EZH2: variants seen among roughly 807,000 people sequenced by gnomAD.
The protein encoded by EZH2 is enhancer of zeste 2 polycomb repressive complex 2 subunit.
Under a neutral mutation model 98.4 loss-of-function variants are expected in EZH2, and 18 were observed. The ratio of observed to expected loss-of-function variants is 0.18; its 90% confidence interval spans 0.13 to 0.27. The LOEUF is 0.27. EZH2 is among the 10% of genes least tolerant of loss of function. EZH2 has a pLI of 1.00. For synonymous variants in EZH2, 338 were observed against 312.3 expected (o/e 1.08, Z -0.87); for missense variants, 470 against 935.1 (o/e 0.50, Z 6.49).
chr7:148,855,007 T>C (rs554850680), intron 1 of EZH2, among the ~76,000 whole-genome samples: 4 of 152,322 alleles, frequency 2.6e-5, no homozygotes, highest in East Asian at 3.9e-4. Flanking sequence ...AGGGGGAATA[T>C]AGAAAACCTG....
chr7:148,877,855 A>T (rs187100410), intron 1 of EZH2, among the ~76,000 whole-genome samples: 2 of 152,248 alleles, frequency 1.3e-5, no homozygotes, highest in Non-Finnish European at 2.9e-5. Context: ...CGGAGCTGAC[A>T]TATCTTTAAT....
intron 1 of EZH2, among the ~76,000 whole-genome samples, chr7:148,849,853 G>A (rs533235986): frequency 6.6e-5 from 10 of 152,246 alleles, no homozygotes; most frequent in African/African-American, 2.4e-4. Context: ...GAAAGAAAAG[G>A]AATCAGATAA....
chr7:148,830,748 CAA>C (rs1809147545), intron 4 of EZH2, among the ~76,000 whole-genome samples: 1 of 151,972 alleles, frequency 6.6e-6, no homozygotes, highest in African/African-American at 2.4e-5. Context: ...GCCAATCAAA[CAA>C]AAGTTAAGAC....
At chr7:148,873,141 C>T (rs1429719824) in intron 1 of EZH2, among the ~76,000 whole-genome samples, 4 of 151,942 alleles carry the variant, frequency 2.6e-5, no homozygotes, top group Non-Finnish European at 5.9e-5. Flanking sequence ...TATGATCACG[C>T]CACTATACTC....
At chr7:148,850,941 G>C (rs903146256) in intron 1 of EZH2, among the ~76,000 whole-genome samples, 2 of 152,062 alleles carry the variant, frequency 1.3e-5, no homozygotes, top group Non-Finnish European at 2.9e-5. Context: ...CAAAAGTTAC[G>C]TAGCTAGAGT....
chr7:148,822,291 C>T (rs1806362193), intron 8 of EZH2, among the ~76,000 whole-genome samples: 1 of 144,990 alleles, frequency 6.9e-6, no homozygotes, highest in East Asian at 1.9e-4. Flanking sequence ...GGGCAGATCA[C>T]TTGAGGTCAG....
intron 8 of EZH2, among the ~76,000 whole-genome samples, chr7:148,823,598 C>T (rs1381893976): frequency 2.0e-5 from 3 of 150,256 alleles, no homozygotes; most frequent in East Asian, 3.9e-4. Context: ...GGTAAAATTT[C>T]GAAGGATGGG....
chr7:148,813,246 A>G (rs1235285427), intron 15 of EZH2, among the ~76,000 whole-genome samples: 2 of 152,082 alleles, frequency 1.3e-5, no homozygotes, highest in Non-Finnish European at 2.9e-5. Context: ...AAGCACTCAC[A>G]ACAGTGCCTA....
chr7:148,879,489 G>A (rs1419480352), intron 1 of EZH2, among the ~76,000 whole-genome samples: 4 of 151,180 alleles, frequency 2.6e-5, no homozygotes, highest in Admixed American at 6.6e-5. Context: ...TCGGGAGTTC[G>A]AGACCAGCCT....
At chr7:148,842,188 AATC>A (rs1228063679) in intron 3 of EZH2, among the ~76,000 whole-genome samples, 1 of 152,200 alleles carries the variant, frequency 6.6e-6, no homozygotes, top group Non-Finnish European at 1.5e-5. Flanking sequence ...TTACTAAACT[AATC>A]ATACCATTTG....
chr7:148,856,843 A>C (rs1816904281), intron 1 of EZH2, among the ~76,000 whole-genome samples: 1 of 152,246 alleles, frequency 6.6e-6, no homozygotes, highest in African/African-American at 2.4e-5. Flanking sequence ...AGGAGAAGGA[A>C]CAACTCTCCT....
In EZH2 at chr7:148,877,332, A is replaced by G. The variant is rs188711130; in HGVS notation, c.-8+6832T>C. Among the ~76,000 whole-genome samples, 10 of 152,372 alleles carry G rather than the reference A, an allele frequency of 6.6e-5. No homozygotes were observed. In the East Asian group the frequency reaches 1.9e-3, roughly 29 times the overall value. ...AACAGACATTTCTAAATTGAAATAG[A>G]TAAAACGTGTGGTACCATTTTTGTA... On this transcript the variant is annotated intron_variant, in intron 1 of 19. Coordinates refer to ENST00000320356, the MANE Select transcript of EZH2 (RefSeq NM_004456.5).
At chr7:148,857,925 T>C (rs1436293582) in intron 1 of EZH2, among the ~76,000 whole-genome samples, 2 of 151,494 alleles carry the variant, frequency 1.3e-5, no homozygotes. Flanking sequence ...AAATGTTACA[T>C]AAAATGTTAA....
chr7:148,830,258 T>G (rs1808969627), intron 4 of EZH2, among the ~76,000 whole-genome samples: 1 of 152,210 alleles, frequency 6.6e-6, no homozygotes, highest in South Asian at 2.1e-4. Context: ...TGAGCTCAAG[T>G]GATCCACCCG....
chr7:148,813,840 G>T, intron 15 of EZH2, 119 bp downstream of exon 15: 2 of 1,025,724 alleles, frequency 1.9e-6, no homozygotes, highest in Non-Finnish European at 2.8e-6. Flanking sequence ...CTCATCAGTT[G>T]CACCTTTCAA....
At chr7:148,842,330 C>T (rs967673183) in intron 3 of EZH2, among the ~76,000 whole-genome samples, 2 of 151,946 alleles carry the variant, frequency 1.3e-5, no homozygotes, top group African/African-American at 2.4e-5. Flanking sequence ...GGCAGATGTA[C>T]GAAAAAGAAA....
chr7:148,807,761 G>A, intron 19 of EZH2, 55 bp from the exon 20 acceptor site: 2 of 881,400 alleles, frequency 2.3e-6, no homozygotes, highest in Non-Finnish European at 3.3e-6. Flanking sequence ...AACATGTGCT[G>A]AGACTTAACA....
chr7:148,836,062 A>G (rs1186776342), intron 3 of EZH2, among the ~76,000 whole-genome samples: 3 of 152,162 alleles, frequency 2.0e-5, no homozygotes, highest in Non-Finnish European at 4.4e-5. Flanking sequence ...GAGAGTCACT[A>G]AGAGACAAGA....
chr7:148,823,795 G>A (rs1456930950), intron 8 of EZH2, among the ~76,000 whole-genome samples: 1 of 151,948 alleles, frequency 6.6e-6, no homozygotes, highest in Non-Finnish European at 1.5e-5. Flanking sequence ...GCATTAAAAG[G>A]ATGAGCCACC....
Sources: allele counts gnomAD v4.1 joint callset (sites outside exome capture counted in the v4.1 genomes callset), GRCh38; gene constraint gnomAD v4.1.1; transcripts MANE v1.5; gene names NCBI Gene and HGNC (gene_info 2026-07-23, HGNC 2026-07-21).